Variants in CAPN14 observed in about 807,000 individuals in gnomAD.
The protein encoded by CAPN14 is calpain-14.
A neutral mutation model predicts 101.3 loss-of-function variants in CAPN14; 94 were observed. The ratio of observed to expected loss-of-function variants is 0.93; its 90% CI spans 0.79 to 1.10. The LOEUF (loss-of-function observed/expected upper bound fraction) is 1.10, where lower values mean the gene tolerates loss of function less well. Ranked by LOEUF, CAPN14 falls within the 50% of genes least tolerant of loss-of-function variation. CAPN14 has a pLI of 0.00. For synonymous variants in CAPN14, 338 were observed against 317.9 expected, an observed-to-expected ratio of 1.06 and a Z score of -0.67; for missense variants, 837 against 828.4, an observed-to-expected ratio of 1.01 and a Z score of -0.13.
In CAPN14 at chr2:31,217,504, C is replaced by T. The variant is rs11124255; in HGVS notation, c.-101G>A. The T allele has an allele frequency of 0.42, 63,252 of 151,972 alleles. 14,241 individuals are homozygous for T. The highest frequency in any genetic ancestry group is 0.58 in the East Asian group (2,983 of 5,146). The allele number at this position is 151,972 out of a possible 1,614,324, so 9.4% of individuals were successfully genotyped here. On this transcript the variant is annotated 5_prime_UTR_variant, in exon 1 of 22. Coordinates refer to ENST00000403897, the MANE Select transcript of CAPN14 (RefSeq NM_001145122.2). The stretch of plus-strand genomic sequence containing the variant: ...TAAGCGCCTGGGCAAGCTCTAATCC[C>T]GGTGCAGTCAGAAGCATGCAGCCTG...
intron 13 of CAPN14, 22 bp from the exon 14 acceptor site, chr2:31,188,376 C>A (rs1465973): frequency 0.2 from 313,706 of 1,547,444 alleles, 37,894 homozygotes; most frequent in African/African-American, 0.53. Context: ...CAAACAAGAA[C>A]AAACTCAGAG....
rs1047284790 is a variant in CAPN14 at position 31,200,476 on chromosome 2, A to G, written c.701T>C (p.Leu234Pro). Residue 234 changes from leucine (L) to proline (P), a missense_variant, in exon 6 of 22, where the codon CTC becomes CCC. Physicochemically the swap from Leu to Pro is moderately conservative, Grantham distance 98. Transcript: ENST00000403897. The stretch of plus-strand genomic sequence containing the variant: ...CCCTGAGTGGGTCTGGCAGCCAATG[A>G]GGGTTCTGTTGTAGGTGGCTTCGAT... ...ILIEATYNRT[L>P]IGCQTHSGEK... 27 of 1,550,242 alleles carry G rather than the reference A, an allele frequency of 1.7e-5. No homozygotes were observed. Among genetic ancestry groups the G allele is most frequent in the Non-Finnish European group, 2.2e-5 (25 of 1,146,878 alleles).
chr2:31,186,200 T>A (rs1267139360), intron 16 of CAPN14, among the ~76,000 whole-genome samples: 2 of 152,262 alleles, frequency 1.3e-5, no homozygotes, highest in African/African-American at 2.4e-5. Context: ...TTCACTGCCA[T>A]GTATGTCTAT....
In CAPN14 at chr2:31,202,153, G is replaced by C; in HGVS notation, c.395C>G (p.Ala132Gly). 6.4e-7 allele frequency: 1 copy of C among 1,551,854 alleles called. No homozygotes were observed. Among genetic ancestry groups the C allele is most frequent in the Admixed American group, 2.0e-5 (1 of 51,006 alleles). ...PLNQSFTEKY[A>G]GIFRFWFWHY... ...ACTCACCCAGAACCGGAAGATGCCAGCATACTTCTCAGTGAAACTCTGATT... is the reference window on the plus strand; with the variant it reads ...ACTCACCCAGAACCGGAAGATGCCACCATACTTCTCAGTGAAACTCTGATT... Residue 132 changes from alanine to glycine, a missense_variant, in exon 4 of 22, where the codon GCT becomes GGT. By Grantham distance (60) the Ala-to-Gly change is moderately conservative (BLOSUM62 0). Coordinates refer to ENST00000403897, the MANE Select transcript of CAPN14 (RefSeq NM_001145122.2).
At chr2:31,211,362 C>A (rs1465628281) in intron 1 of CAPN14, among the ~76,000 whole-genome samples, 2 of 151,546 alleles carry the variant, frequency 1.3e-5, no homozygotes, top group Non-Finnish European at 2.9e-5. Flanking sequence ...TTTTAAAAAC[C>A]ATAGGAAATA....
At chr2:31,176,692 A>T (rs1187823198) in intron 20 of CAPN14, 50 bp from the exon 21 acceptor site, 11 of 1,468,474 alleles carry the variant, frequency 7.5e-6, no homozygotes, top group Non-Finnish European at 1.0e-5. Flanking sequence ...TATTGGAAAC[A>T]TTATGAATTA....
chr2:31,178,710 C>T (rs1006679802), intron 17 of CAPN14, 131 bp from the exon 18 acceptor site: 8 of 603,788 alleles, frequency 1.3e-5, no homozygotes, highest in South Asian at 8.5e-5. Context: ...TGTCTGATTT[C>T]GCTAGTTCGC....
At chr2:31,233,054 G>C (rs190682468) in intron 1 of CAPN14, among the ~76,000 whole-genome samples, 1 of 152,328 alleles carries the variant, frequency 6.6e-6, no homozygotes, top group East Asian at 1.9e-4. Context: ...CACCTGGACA[G>C]TGTTCCCACT....
At chr2:31,231,181 C>T (rs538250164) in intron 1 of CAPN14, among the ~76,000 whole-genome samples, 100 of 151,948 alleles carry the variant, frequency 6.6e-4, no homozygotes, top group African/African-American at 2.4e-3. Context: ...TCTTTCTTCT[C>T]CTGGAATATC....
At position 31,192,987 on chromosome 2, in the gene CAPN14, A is replaced by G. The variant is rs1681270814; in HGVS notation, c.1114+144T>C. On this transcript the variant is annotated intron_variant, in intron 10 of 21. Coordinates refer to ENST00000403897, the MANE Select transcript of CAPN14 (RefSeq NM_001145122.2). ...CCCATCTTCCCTGTGGTTATAGCCC[A>G]GGGCCCCAACACACAGTGAGGCAAG... The G allele has an allele frequency of 1.8e-5, 14 of 763,276 alleles. No homozygotes were observed. The South Asian group carries it at 2.5e-4, about 14-fold the overall frequency. 47.3% of individuals were successfully genotyped at this position (763,276 alleles called of 1,614,324 possible). A position where few individuals can be genotyped will look rare whatever the true frequency, so the allele number is the denominator to read the frequency against.
At chr2:31,223,542 C>CT (rs35488335) in intron 2 of CAPN14, among the ~76,000 whole-genome samples, 8,870 of 131,892 alleles carry the variant, frequency 0.067, 808 homozygotes, top group African/African-American at 0.18. Flanking sequence ...TTTTTCTTTT[C>CT]TTTTTTTTTT....
rs1370885774 is a variant in CAPN14, at chr2:31,203,078, C to T, written c.287G>A (p.Gly96Glu). 1 of 1,551,548 alleles carries T rather than the reference C, an allele frequency of 6.4e-7. No homozygotes were observed. The highest frequency in any genetic ancestry group is 8.7e-7 in the Non-Finnish European group (1 of 1,146,918). Reference protein sequence around the residue: ...AKAKRLDLCQGIVGDCWFLAA... With the variant: ...AKAKRLDLCQEIVGDCWFLAA... ...GGGCTGTGCAAACTTACCTACTATCCCCTGGCACAGATCCAGCCTTTTGGC... is the reference window on the plus strand; with the variant it reads ...GGGCTGTGCAAACTTACCTACTATCTCCTGGCACAGATCCAGCCTTTTGGC... The change falls in exon 3 of 22, where the codon GGG becomes GAG. Residue 96 changes from glycine to glutamate, a missense_variant. Coordinates refer to ENST00000403897, the MANE Select transcript of CAPN14 (RefSeq NM_001145122.2).
intron 2 of CAPN14, among the ~76,000 whole-genome samples, chr2:31,223,537 C>T (rs79644533): frequency 7.2e-6 from 1 of 138,018 alleles, no homozygotes; most frequent in Non-Finnish European, 1.5e-5. Context: ...TTTTCTTTTT[C>T]TTTTCTTTTT....
intron 8 of CAPN14, among the ~76,000 whole-genome samples, chr2:31,196,553 T>G (rs181265972): frequency 4.7e-4 from 71 of 152,026 alleles, no homozygotes; most frequent in South Asian, 1.0e-3. Flanking sequence ...AATGTGTATA[T>G]GGACACGTTT....
At position 31,177,104 on chromosome 2, in the gene CAPN14, T is replaced by C; in HGVS notation, c.1894A>G (p.Ile632Val). The change falls in exon 20 of 22, where the codon ATC becomes GTC. Residue 632 changes from isoleucine (I) to valine (V), a missense_variant. By Grantham distance (29) the Ile-to-Val change is conservative. Coordinates refer to ENST00000403897, the MANE Select transcript of CAPN14 (RefSeq NM_001145122.2). ...LSDDVCQLML[I>V]RYGGPRLQMD... Reference sequence around the variant, plus strand: ...TGGAGGCGGGGGCCGCCGTAGCGGATGAGCATCAGCTGACAGACGTCATCA... The same window carrying C: ...TGGAGGCGGGGGCCGCCGTAGCGGACGAGCATCAGCTGACAGACGTCATCA... 1.3e-6 allele frequency: 2 copies of C among 1,551,316 alleles called. No homozygotes were observed. Among genetic ancestry groups the C allele is most frequent in the Non-Finnish European group, 8.7e-7 (1 of 1,146,762 alleles).
chr2:31,202,882 G>T (rs1681868449), intron 3 of CAPN14, among the ~76,000 whole-genome samples, 188 bp downstream of exon 3: 6 of 152,136 alleles, frequency 3.9e-5, no homozygotes, highest in Admixed American at 3.9e-4. Flanking sequence ...ATCCCCAGAG[G>T]ACCAGTTTTT....
chr2:31,186,644 C>T (rs945069358), intron 15 of CAPN14, among the ~76,000 whole-genome samples, 159 bp from the exon 16 acceptor site: 11 of 152,220 alleles, frequency 7.2e-5, no homozygotes, highest in African/African-American at 2.7e-4. Context: ...CCTGGCAGGG[C>T]ATGACTTTCA....
intron 21 of CAPN14, among the ~76,000 whole-genome samples, chr2:31,175,002 G>A (rs993314743): frequency 1.3e-5 from 2 of 152,168 alleles, no homozygotes; most frequent in African/African-American, 4.8e-5. Flanking sequence ...GTGCAGGTGT[G>A]CAAACTGGCA....
intron 1 of CAPN14, among the ~76,000 whole-genome samples, chr2:31,209,608 T>C (rs1424661511): frequency 6.6e-6 from 1 of 152,186 alleles, no homozygotes; most frequent in Non-Finnish European, 1.5e-5. Flanking sequence ...CTATTTAATA[T>C]GTTAGTGTTT....
Sources: gnomAD v4.1 joint callset for allele counts (sites outside exome capture counted in the v4.1 genomes callset) on GRCh38, gnomAD v4.1.1 for gene constraint, MANE v1.5 for transcripts, NCBI Gene and HGNC (gene_info 2026-07-23, HGNC 2026-07-21) for gene names.